The following B3GLCT variants were observed in gnomAD, a reference collection of about 807,000 sequenced individuals.
The protein encoded by B3GLCT is beta-1,3-glucosyltransferase.
B3GLCT carries 65 observed loss-of-function variants against 63.4 expected under a neutral mutation model. That is an observed-to-expected ratio of 1.03 (90% CI 0.84 to 1.26). The LOEUF (loss-of-function observed/expected upper bound fraction) is 1.26, where lower values mean the gene tolerates loss of function less well. B3GLCT is among the 50% of genes most tolerant of loss of function. B3GLCT has a pLI of 0.00. For synonymous variants in B3GLCT, 233 were observed against 219.2 expected, an observed-to-expected ratio of 1.06 and a Z score of -0.55; for missense variants, 577 against 604.8, an observed-to-expected ratio of 0.95 and a Z score of 0.48.
intron 3 of B3GLCT, among the ~76,000 whole-genome samples, chr13:31,226,361 A>T (rs982053544): frequency 6.6e-6 from 1 of 152,244 alleles, no homozygotes; most frequent in Non-Finnish European, 1.5e-5. Flanking sequence ...ATTGAAGTAT[A>T]GGAAAAAGGG....
At chr13:31,207,865 G>T (rs1869039330) in intron 1 of B3GLCT, among the ~76,000 whole-genome samples, 1 of 152,208 alleles carries the variant, frequency 6.6e-6, no homozygotes, top group South Asian at 2.1e-4. Context: ...CCCAGCAGCA[G>T]ATCTCTTTTC....
At chr13:31,320,497 A>G (rs937417624) in intron 13 of B3GLCT, among the ~76,000 whole-genome samples, 3 of 152,198 alleles carry the variant, frequency 2.0e-5, no homozygotes, top group Non-Finnish European at 4.4e-5. Context: ...AAATTCATTC[A>G]TCTAGGCTTC....
chr13:31,313,954 T>C (rs1471790477), intron 12 of B3GLCT, among the ~76,000 whole-genome samples: 1 of 152,176 alleles, frequency 6.6e-6, no homozygotes, highest in African/African-American at 2.4e-5. Context: ...CAGCCGTGTC[T>C]AAAAGAGGCC....
At position 31,288,314 on chromosome 13, in the gene B3GLCT, T is replaced by A. The variant is rs538653788; in HGVS notation, c.1064+1495T>A. ...GACCTCTTGGGTCTCAGTGGGTTGC[T>A]CCACCACCACTACTGCCATCATTCA... On this transcript the variant is annotated intron_variant, in intron 12 of 14. Coordinates refer to ENST00000343307, the MANE Select transcript of B3GLCT (RefSeq NM_194318.4). Among the ~76,000 whole-genome samples the A allele has an allele frequency of 5.3e-5, 8 of 152,220 alleles. No individual in the cohort carries two copies. The East Asian group carries it at 1.4e-3, about 26-fold the overall frequency.
chr13:31,289,551 G>A (rs1418488563), intron 12 of B3GLCT, among the ~76,000 whole-genome samples: 3 of 152,108 alleles, frequency 2.0e-5, no homozygotes, highest in African/African-American at 7.2e-5. Context: ...AGGACTAATA[G>A]TGGACTTTTC....
In B3GLCT at chr13:31,276,721, A is replaced by G; in HGVS notation, c.800A>G (p.Lys267Arg). 1 of 1,612,822 alleles carries G rather than the reference A, an allele frequency of 6.2e-7. No individual in the cohort carries two copies. The highest frequency in any genetic ancestry group is 8.5e-7 in the Non-Finnish European group (1 of 1,179,014). Reference sequence around the variant, plus strand: ...TTTTAGAGAAAGCCAGTGAAGAAGAAGGATATTTTTGTTGCAGTAAAAACA... The same window carrying G: ...TTTTAGAGAAAGCCAGTGAAGAAGAGGGATATTTTTGTTGCAGTAAAAACA... ...LPLCRKPVKKKDIFVAVKTCK... is the reference protein window; with the variant it reads ...LPLCRKPVKKRDIFVAVKTCK... The change falls in exon 10 of 15, where the codon AAG (lysine) becomes AGG (arginine). Residue 267 changes from lysine to arginine, a missense_variant. By Grantham distance (26) the Lys-to-Arg change is conservative. Coordinates refer to ENST00000343307, the MANE Select transcript of B3GLCT (RefSeq NM_194318.4).
intron 14 of B3GLCT, among the ~76,000 whole-genome samples, chr13:31,325,932 G>A (rs569558896): frequency 1.3e-5 from 2 of 152,270 alleles, no homozygotes; most frequent in East Asian, 1.9e-4. Flanking sequence ...TTGTGAATTC[G>A]CAGATTTAGA....
intron 4 of B3GLCT, among the ~76,000 whole-genome samples, chr13:31,236,736 A>G (rs948430683): frequency 1.3e-5 from 2 of 152,210 alleles, no homozygotes; most frequent in African/African-American, 4.8e-5. Context: ...AGGGTTTGCA[A>G]TTATACTTGA....
chr13:31,212,440 A>C (rs2137740980), intron 1 of B3GLCT, among the ~76,000 whole-genome samples: 1 of 151,724 alleles, frequency 6.6e-6, no homozygotes, highest in South Asian at 2.1e-4. Flanking sequence ...ATGCCTGGCT[A>C]ATTTTTGTAT....
intron 12 of B3GLCT, 108 bp from the exon 13 acceptor site, chr13:31,317,452 ACTATTT>A: frequency 7.9e-7 from 1 of 1,260,736 alleles, no homozygotes. Flanking sequence ...TCTTCTCTTA[ACTATTT>A]CAGTTTAGTA....
At chr13:31,231,762 CCTT>C (rs1439195381) in intron 4 of B3GLCT, among the ~76,000 whole-genome samples, 22 of 152,120 alleles carry the variant, frequency 1.4e-4, no homozygotes, top group Admixed American at 1.4e-3. Context: ...ATAAAGTATT[CCTT>C]CTTCTCCTCT....
chr13:31,241,412 G>A lies in B3GLCT; in HGVS notation c.271-5611G>A, dbSNP rs1269246597. On this transcript the variant is annotated intron_variant, in intron 4 of 14. Transcript: ENST00000343307. ...AAGTGCAAAGCCAGCACATGCAAGTGTGCAGAGGAGGTGGGGGCTCCATGA... is the reference window on the plus strand; with the variant it reads ...AAGTGCAAAGCCAGCACATGCAAGTATGCAGAGGAGGTGGGGGCTCCATGA... Among the ~76,000 whole-genome samples the A allele has an allele frequency of 2.6e-5, 4 of 152,240 alleles. No individual in the cohort carries two copies. The South Asian group carries it at 6.2e-4, about 24-fold the overall frequency.
chr13:31,327,164 T>G, intron 14 of B3GLCT, among the ~76,000 whole-genome samples: 1 of 152,210 alleles, frequency 6.6e-6, no homozygotes. Flanking sequence ...ATGATCAAGT[T>G]TACTTTAGAA....
At chr13:31,321,536 AC>A (rs1203409783) in intron 13 of B3GLCT, among the ~76,000 whole-genome samples, 1 of 152,228 alleles carries the variant, frequency 6.6e-6, no homozygotes, top group East Asian at 1.9e-4. Context: ...CTTTATACAT[AC>A]CCATGCACAC....
intron 14 of B3GLCT, among the ~76,000 whole-genome samples, chr13:31,324,755 G>T (rs921505219): frequency 6.6e-6 from 1 of 151,846 alleles, no homozygotes; most frequent in Admixed American, 6.6e-5. Context: ...TTGAGATAGG[G>T]TCTTGCTCAC....
intron 1 of B3GLCT, among the ~76,000 whole-genome samples, chr13:31,212,354 A>G (rs983267678): frequency 6.7e-6 from 1 of 148,602 alleles, no homozygotes; most frequent in African/African-American, 2.5e-5. Flanking sequence ...GGCTCACTGC[A>G]AGCCCTGTCT....
At chr13:31,301,411 G>A (rs1209486902) in intron 12 of B3GLCT, among the ~76,000 whole-genome samples, 6 of 152,176 alleles carry the variant, frequency 3.9e-5, no homozygotes, top group African/African-American at 1.4e-4. Flanking sequence ...CATATCTTCT[G>A]TTTTACAGTA....
At chr13:31,222,568 G>A (rs1869869145) in intron 2 of B3GLCT, among the ~76,000 whole-genome samples, 1 of 152,220 alleles carries the variant, frequency 6.6e-6, no homozygotes, top group Non-Finnish European at 1.5e-5. Context: ...CCAGGTTCGA[G>A]ACTATCCTCT....
intron 7 of B3GLCT, among the ~76,000 whole-genome samples, chr13:31,262,397 C>T (rs1029537194): frequency 1.3e-5 from 2 of 152,262 alleles, no homozygotes; most frequent in Admixed American, 6.5e-5. Context: ...CCCTGCCAAG[C>T]ATGCCTAAGA....
Sources: gnomAD v4.1 joint callset for allele counts (sites outside exome capture counted in the v4.1 genomes callset) on GRCh38, gnomAD v4.1.1 for gene constraint, MANE v1.5 for transcripts, NCBI Gene and HGNC (gene_info 2026-07-23, HGNC 2026-07-21) for gene names.